The following PACRGL variants were observed in gnomAD, a reference collection of about 807,000 sequenced individuals.
PACRGL encodes PACRG-like protein.
In PACRGL, 38 loss-of-function variants were observed where a neutral mutation model predicts 34.5. That is an observed-to-expected ratio of 1.10 (90% CI 0.85 to 1.44). The LOEUF (loss-of-function observed/expected upper bound fraction) is 1.44, where lower values mean the gene tolerates loss of function less well. Among genes scored for constraint, PACRGL ranks in the 40% most tolerant of loss-of-function variants. PACRGL has a pLI of 0.00. For missense variants in PACRGL, 305 were observed against 281.4 expected (o/e 1.08, Z -0.60); for synonymous variants, 128 against 100.1 (o/e 1.28, Z -1.66).
rs1467515943 is a variant in PACRGL, at chr4:20,728,263, T to TAAGTA, written c.*925_*929dup. The TAAGTA allele has an allele frequency of 1.3e-5, 2 of 152,236 alleles. No homozygotes were observed. Among genetic ancestry groups the TAAGTA allele is most frequent in the African/African-American group, 2.4e-5 (1 of 41,452 alleles). The allele number at this position is 152,236 out of a possible 1,614,324, so 9.4% of individuals were successfully genotyped here. A position where few individuals can be genotyped will look rare whatever the true frequency, so the allele number is the denominator to read the frequency against. On this transcript the variant is annotated 3_prime_UTR_variant, in exon 9 of 9. Coordinates refer to ENST00000503585, the MANE Select transcript of PACRGL (RefSeq NM_001258345.3). The stretch of plus-strand genomic sequence containing the variant: ...CTAAATTTTAGGTGTTAACTGTATT[T>TAAGTA]AAGTAAATGTGTTATTTTTGCATTT...
chr4:20,726,262 C>G (rs1329623978), intron 8 of PACRGL, among the ~76,000 whole-genome samples: 1 of 151,906 alleles, frequency 6.6e-6, no homozygotes, highest in Non-Finnish European at 1.5e-5. Context: ...GTTGAGTAAT[C>G]CAGGATCCCA....
At chr4:20,701,648 T>A in intron 1 of PACRGL, 1 of 319,830 alleles carries the variant, frequency 3.1e-6, no homozygotes, top group Non-Finnish European at 6.3e-6. Flanking sequence ...GCTCCAGGCT[T>A]GTCAGTGGCA....
chr4:20,763,887 T>C, the PACRGL span, among the ~76,000 whole-genome samples: 1 of 152,154 alleles, frequency 6.6e-6, no homozygotes, highest in African/African-American at 2.4e-5. Context: ...ATCAAGTCAT[T>C]TAGCAGTATA....
chr4:20,762,232 G>A, the PACRGL span, among the ~76,000 whole-genome samples: 1 of 152,008 alleles, frequency 6.6e-6, no homozygotes, highest in Non-Finnish European at 1.5e-5. Flanking sequence ...TAGCTCTGTG[G>A]GGTCTTTTAT....
chr4:20,730,219 A>T lies in PACRGL; in HGVS notation c.*2878A>T. On this transcript the variant is annotated 3_prime_UTR_variant, in exon 9 of 9. Transcript: ENST00000503585. ...CCCCTGAGTATTGCCTCCTCCCATC[A>T]ACCACCTCAACCACCTATGCCAAAA... 1 of 1,398,128 alleles carries T rather than the reference A, an allele frequency of 7.2e-7. No homozygotes were observed. The highest frequency in any genetic ancestry group is 9.5e-7 in the Non-Finnish European group (1 of 1,047,542). 86.6% of individuals were successfully genotyped at this position (1,398,128 alleles called of 1,614,324 possible).
At position 20,729,845 on chromosome 4, in the gene PACRGL, C is replaced by CACAGAGTATGAAAT; in HGVS notation, c.*2505_*2518dup. The stretch of plus-strand genomic sequence containing the variant: ...CCAGATTCTATTACTTTTGAATATT[C>CACAGAGTATGAAAT]ACAGAGTATGAAATGAGTTAGACCA... On this transcript the variant is annotated 3_prime_UTR_variant, in exon 9 of 9. Transcript: ENST00000503585. 1 of 393,960 alleles carries CACAGAGTATGAAAT rather than the reference C, an allele frequency of 2.5e-6. No individual in the cohort carries two copies. Among genetic ancestry groups the CACAGAGTATGAAAT allele is most frequent in the East Asian group, 3.8e-5 (1 of 26,166 alleles). The allele number at this position is 393,960 out of a possible 1,614,324, so 24.4% of individuals were successfully genotyped here. A position where few individuals can be genotyped will look rare whatever the true frequency, so the allele number is the denominator to read the frequency against.
intron 6 of PACRGL, chr4:20,713,169 A>G: frequency 1.9e-6 from 1 of 537,622 alleles, no homozygotes; most frequent in Admixed American, 3.6e-5. Flanking sequence ...AGAGGAAGTA[A>G]TGAACCTCAA....
intron 5 of PACRGL, chr4:20,712,576 G>A (rs1307133332): frequency 1.1e-5 from 4 of 379,866 alleles, no homozygotes; most frequent in East Asian, 4.1e-5. Flanking sequence ...TGGAGGGGGG[G>A]CCCTGGAACC....
At position 20,743,125 on chromosome 4, in the gene PACRGL, A is replaced by C. The variant is rs1019395990; in HGVS notation, c.*57-9440A>C. ...GCTCAATGAAATAAAAGAGGACACA[A>C]ACAAATGGAAGAACATTCCATGTTC... On this transcript the variant is annotated intron_variant, in intron 8 of 8. Coordinates refer to the PACRGL transcript ENST00000507634. Among the ~76,000 whole-genome samples, 3 of 151,926 alleles carry C rather than the reference A, an allele frequency of 2.0e-5. No individual in the cohort carries two copies. In the South Asian group the frequency reaches 6.2e-4, roughly 31 times the overall value.
At chr4:20,750,376 T>C (rs1002177265) in intron 8 of PACRGL, among the ~76,000 whole-genome samples, 2 of 152,040 alleles carry the variant, frequency 1.3e-5, no homozygotes, top group Non-Finnish European at 2.9e-5. Context: ...GGGAAGTTTC[T>C]GTGGCTGTGT....
the PACRGL span, among the ~76,000 whole-genome samples, chr4:20,761,152 T>C: frequency 6.6e-6 from 1 of 152,106 alleles, no homozygotes; most frequent in Non-Finnish European, 1.5e-5. Context: ...ATCTGTAATA[T>C]TGGCTTCCCT....
downstream of PACRGL, among the ~76,000 whole-genome samples, chr4:20,733,326 C>T (rs1463984573): frequency 6.6e-6 from 1 of 152,114 alleles, no homozygotes; most frequent in Non-Finnish European, 1.5e-5. Context: ...CCCTGGGAAA[C>T]ACCTTTAAAT....
chr4:20,713,012 C>A, intron 6 of PACRGL, 90 bp downstream of exon 6: 1 of 1,291,618 alleles, frequency 7.7e-7, no homozygotes, highest in Non-Finnish European at 1.0e-6. Context: ...GCCTTTTTCC[C>A]TCCATATTAT....
At chr4:20,702,301 G>T (rs907238595) in intron 1 of PACRGL, 2 of 431,786 alleles carry the variant, frequency 4.6e-6, no homozygotes, top group Admixed American at 5.1e-5. Context: ...ACGCGTCTTT[G>T]CTGTGCATCG....
chr4:20,706,323 G>C lies in PACRGL; in HGVS notation c.208-1480G>C, dbSNP rs904282411. On this transcript the variant is annotated intron_variant, in intron 3 of 8. Transcript: ENST00000503585. Reference sequence around the variant, plus strand: ...ATTTTAGGGATTATTTTCATGACCTGTAAGGGCCAAAAAGAAAGATCATTT... The same window carrying C: ...ATTTTAGGGATTATTTTCATGACCTCTAAGGGCCAAAAAGAAAGATCATTT... 3.9e-5 allele frequency among the ~76,000 whole-genome samples: 6 copies of C among 152,230 alleles called. No individual in the cohort carries two copies. In the South Asian group the frequency reaches 1.0e-3, roughly 26 times the overall value.
At chr4:20,734,608 G>A (rs1322477662), downstream of PACRGL, 1 of 1,056,988 alleles carries the variant, frequency 9.5e-7, no homozygotes. Flanking sequence ...TTACTGTGAT[G>A]TTGGTGAGGC....
At chr4:20,757,958 T>C in the PACRGL span, among the ~76,000 whole-genome samples, 1 of 152,164 alleles carries the variant, frequency 6.6e-6, no homozygotes, top group African/African-American at 2.4e-5. Context: ...AGAATATTAT[T>C]TTTTAACTCC....
At chr4:20,707,608 G>A (rs1429486577) in intron 3 of PACRGL, among the ~76,000 whole-genome samples, 195 bp from the exon 4 acceptor site, 1 of 110,386 alleles carries the variant, frequency 9.1e-6, no homozygotes, top group Non-Finnish European at 1.9e-5. Context: ...ATCCTGAATC[G>A]TTAGGGGAAA....
chr4:20,726,380 T>C (rs1208249451), intron 8 of PACRGL, among the ~76,000 whole-genome samples: 1 of 152,184 alleles, frequency 6.6e-6, no homozygotes, highest in Non-Finnish European at 1.5e-5. Context: ...TTATTTATTT[T>C]CTTCTGACTC....
Sources: allele counts gnomAD v4.1 joint callset (sites outside exome capture counted in the v4.1 genomes callset), GRCh38; gene constraint gnomAD v4.1.1; transcripts MANE v1.5; gene names NCBI Gene and HGNC (gene_info 2026-07-23, HGNC 2026-07-21).